Variants in SH3PXD2B observed in about 807,000 individuals in gnomAD.
SH3PXD2B encodes SH3 and PX domain-containing protein 2B.
Under a neutral mutation model 73.1 loss-of-function variants are expected in SH3PXD2B, and 37 were observed. The ratio of observed to expected loss-of-function variants is 0.51; its 90% CI spans 0.39 to 0.67. The LOEUF (loss-of-function observed/expected upper bound fraction) is 0.67, where lower values mean the gene tolerates loss of function less well. Among genes scored for constraint, SH3PXD2B ranks in the 30% least tolerant of loss-of-function variants. The pLI, the probability that SH3PXD2B is intolerant of heterozygous loss-of-function variation, is 0.00. For synonymous variants in SH3PXD2B, 457 were observed against 480.5 expected, an observed-to-expected ratio of 0.95 and a Z score of 0.64; for missense variants, 1,053 against 1,197.8, an observed-to-expected ratio of 0.88 and a Z score of 1.78.
chr5:172,360,569 C>G (rs1235433333), intron 7 of SH3PXD2B, among the ~76,000 whole-genome samples: 1 of 152,206 alleles, frequency 6.6e-6, no homozygotes, highest in Admixed American at 6.5e-5. Context: ...CAGTGGCTCA[C>G]GCCTGCAATC....
chr5:172,375,591 A>C (rs1337888064), intron 5 of SH3PXD2B, among the ~76,000 whole-genome samples: 2 of 152,156 alleles, frequency 1.3e-5, no homozygotes, highest in Admixed American at 1.3e-4. Context: ...TTTCATATAA[A>C]TAGAATCATA....
downstream of SH3PXD2B, among the ~76,000 whole-genome samples, chr5:172,329,337 G>A (rs1303197358): frequency 6.6e-6 from 1 of 150,836 alleles, no homozygotes; most frequent in Non-Finnish European, 1.5e-5. Context: ...GATCACCTCA[G>A]CCTCCCAAAG....
chr5:172,374,558 T>C (rs1482145543), intron 5 of SH3PXD2B, among the ~76,000 whole-genome samples: 1 of 152,178 alleles, frequency 6.6e-6, no homozygotes, highest in Non-Finnish European at 1.5e-5. Flanking sequence ...GGCACATGCC[T>C]GTGGTCCCAG....
chr5:172,362,516 C>A (rs1468772679), intron 7 of SH3PXD2B, among the ~76,000 whole-genome samples: 3 of 152,162 alleles, frequency 2.0e-5, no homozygotes, highest in Non-Finnish European at 4.4e-5. Context: ...CAGAACAAAT[C>A]GGTACCATCT....
Position 172,353,819 on chromosome 5 carries a change from C to T in SH3PXD2B, c.785+69G>A. ...ACCGACCTCTGTGAGGCCAGAGTCC[C>T]TGTGACCCCAAACCCACCCAGCGTG... On this transcript the variant is annotated intron_variant, in intron 9 of 12. Coordinates refer to ENST00000311601, the MANE Select transcript of SH3PXD2B (RefSeq NM_001017995.3). This position sits in a 1 kb window ranked among gnomAD's most constrained non-coding sequence, Gnocchi z 4.3. The T allele has an allele frequency of 1.6e-6, 2 of 1,255,258 alleles. No individual in the cohort carries two copies. Among genetic ancestry groups the T allele is most frequent in the East Asian group, 2.3e-5 (1 of 43,286 alleles). 77.8% of individuals were successfully genotyped at this position (1,255,258 alleles called of 1,614,324 possible).
At chr5:172,406,979 A>G (rs6556026) in intron 2 of SH3PXD2B, among the ~76,000 whole-genome samples, 45,816 of 151,970 alleles carry the variant, frequency 0.3, 7,480 homozygotes, top group East Asian at 0.67. Flanking sequence ...AGAGTCCCCA[A>G]AACAAAAACC....
intron 12 of SH3PXD2B, among the ~76,000 whole-genome samples, chr5:172,327,103 G>GC (rs1397698191): frequency 2.0e-5 from 3 of 151,866 alleles, no homozygotes; most frequent in African/African-American, 7.3e-5. Flanking sequence ...CAGGTGATCC[G>GC]CCCGCCACGG....
intron 1 of SH3PXD2B, among the ~76,000 whole-genome samples, chr5:172,453,090 C>T (rs1196356524): frequency 5.9e-5 from 9 of 152,172 alleles, no homozygotes. Flanking sequence ...TCACGGAAGG[C>T]ATGCAGATCT....
intron 6 of SH3PXD2B, among the ~76,000 whole-genome samples, chr5:172,372,357 TG>T (rs1379227803): frequency 6.6e-6 from 1 of 152,106 alleles, no homozygotes; most frequent in African/African-American, 2.4e-5. Flanking sequence ...GTCCTGCTCC[TG>T]CCATATAAAA....
intron 3 of SH3PXD2B, among the ~76,000 whole-genome samples, chr5:172,403,742 A>G (rs1354121564): frequency 4.6e-5 from 7 of 152,228 alleles, no homozygotes; most frequent in Admixed American, 3.9e-4. Flanking sequence ...TAAAAAAGCT[A>G]CATTTGGAGT....
chr5:172,453,333 GT>G (rs1459140136), intron 1 of SH3PXD2B, among the ~76,000 whole-genome samples: 1 of 152,040 alleles, frequency 6.6e-6, no homozygotes, highest in Non-Finnish European at 1.5e-5. Flanking sequence ...CTTCCCTGCT[GT>G]AATGAGGCCC....
rs1757596068 is a variant in SH3PXD2B, at chr5:172,368,528, A to ATATATATATATATAAAATATATATATAT, written c.427+5261_427+5262insATATATATATATTTTATATATATATATA. Among the ~76,000 whole-genome samples, 5 of 22,940 alleles carry ATATATATATATATAAAATATATATATAT rather than the reference A, an allele frequency of 2.2e-4. 1 individual carries two copies. The highest frequency in any genetic ancestry group is 2.4e-4 in the Non-Finnish European group (4 of 16,662). The allele number at this position is 22,940 out of a possible 152,430, so 15.0% of individuals were successfully genotyped here. A position where few individuals can be genotyped will look rare whatever the true frequency, so the allele number is the denominator to read the frequency against. ...TATATATATAAAATATATATATATTATATATATATATAAAATATATATATA... is the reference window on the plus strand; with the variant it reads ...TATATATATAAAATATATATATATTATATATATATATATAAAATATATATATATTATATATATATAAAATATATATATA... On this transcript the variant is annotated intron_variant, in intron 6 of 12. Transcript: ENST00000311601.
At chr5:172,364,501 C>T (rs2113326689) in intron 6 of SH3PXD2B, among the ~76,000 whole-genome samples, 1 of 152,146 alleles carries the variant, frequency 6.6e-6, no homozygotes, top group East Asian at 1.9e-4. Context: ...CCCGTCTCTA[C>T]TAAAAATACA....
intron 4 of SH3PXD2B, among the ~76,000 whole-genome samples, chr5:172,382,624 G>A (rs1363202335): frequency 6.6e-6 from 1 of 152,086 alleles, no homozygotes; most frequent in Non-Finnish European, 1.5e-5. Flanking sequence ...ATTTGTTCAA[G>A]TAATATGTCC....
At chr5:172,373,201 A>C (rs1020207665) in intron 6 of SH3PXD2B, among the ~76,000 whole-genome samples, 6 of 152,210 alleles carry the variant, frequency 3.9e-5, no homozygotes, top group Admixed American at 3.9e-4. Flanking sequence ...AGGATGTCAA[A>C]TGGACATGGC....
intron 1 of SH3PXD2B, among the ~76,000 whole-genome samples, chr5:172,438,029 G>A (rs527773688): frequency 2.6e-4 from 39 of 152,274 alleles, no homozygotes; most frequent in African/African-American, 7.9e-4. Flanking sequence ...GGCCTCAATC[G>A]AGAAAGAAAA....
At chr5:172,327,001 C>T (rs1357207235) in intron 12 of SH3PXD2B, among the ~76,000 whole-genome samples, 2 of 150,982 alleles carry the variant, frequency 1.3e-5, no homozygotes, top group Non-Finnish European at 3.0e-5. Context: ...GGATTACAGG[C>T]ATGCGCCACC....
intron 1 of SH3PXD2B, 50 bp from the exon 2 acceptor site, chr5:172,422,546 C>T (rs752679020): frequency 5.8e-6 from 9 of 1,546,136 alleles, no homozygotes; most frequent in Non-Finnish European, 7.9e-6. Flanking sequence ...GGTGGTCTCC[C>T]AATCTCTGGG....
At chr5:172,352,021 C>A (rs1757167492) in intron 9 of SH3PXD2B, among the ~76,000 whole-genome samples, 1 of 152,078 alleles carries the variant, frequency 6.6e-6, no homozygotes, top group Non-Finnish European at 1.5e-5. Flanking sequence ...GGGCTGAAAT[C>A]CTGACTGTCA....
Sources: gnomAD v4.1 joint callset for allele counts (sites outside exome capture counted in the v4.1 genomes callset) on GRCh38, gnomAD v4.1.1 for gene constraint, Gnocchi (gnomAD v3.1) non-coding constraint, MANE v1.5 for transcripts, NCBI Gene and HGNC (gene_info 2026-07-23, HGNC 2026-07-21) for gene names.